PUF60: variants seen among roughly 807,000 people sequenced by gnomAD.
PUF60 encodes poly(U)-binding-splicing factor PUF60.
PUF60 carries 10 observed loss-of-function variants against 61.8 expected under a neutral mutation model. The observed-to-expected ratio is 0.16, with a 90% CI of 0.10 to 0.27. The LOEUF (loss-of-function observed/expected upper bound fraction) is 0.27. Ranked by LOEUF, PUF60 falls within the 10% of genes least tolerant of loss-of-function variation. The probability of loss-of-function intolerance (pLI) is 1.00; values close to 1 mark genes in which losing one functional copy is unlikely to be tolerated. For missense variants in PUF60, 371 were observed against 754.0 expected, an observed-to-expected ratio of 0.49 and a Z score of 5.95; for synonymous variants, 353 against 300.9, an observed-to-expected ratio of 1.17 and a Z score of -1.79.
In PUF60 at chr8:143,816,916, C is replaced by G. The variant is rs1450011787; in HGVS notation, c.1374G>C (p.Lys458Asn). The G allele has an allele frequency of 6.4e-7, 1 of 1,573,940 alleles. No individual in the cohort carries two copies. Among genetic ancestry groups the G allele is most frequent in the South Asian group, 1.1e-5 (1 of 87,264 alleles). The change falls in exon 11 of 12, where the codon AAG becomes AAC. Residue 458 changes from lysine to asparagine, a missense_variant. Physicochemically the swap from Lys to Asn is moderately conservative, Grantham distance 94. Around this residue, in one of 13 missense-constraint regions of PUF60, gnomAD observed 38 missense variants for 112.9 expected, o/e 0.34. Coordinates refer to ENST00000526683, the MANE Select transcript of PUF60 (RefSeq NM_078480.3). ...ACCCTGCCCCTCTGCCTACCTCCTGCTTGCGGAGCAGCTTCTGCATCACCA... is the reference window on the plus strand; with the variant it reads ...ACCCTGCCCCTCTGCCTACCTCCTGGTTGCGGAGCAGCTTCTGCATCACCA... Reference protein sequence around the residue: ...RHMVMQKLLRKQESTVMVLRN... With the variant: ...RHMVMQKLLRNQESTVMVLRN...
rs567629172 is a variant in PUF60, at chr8:143,820,855, C to G, written c.298-139G>C. On this transcript the variant is annotated intron_variant, in intron 4 of 11. Transcript: ENST00000526683. ...CCGCCTGCCTTCCCACACTGCCGGC[C>G]GCCAGCACCTGCCCAGGGGGGCCGC... is the stretch of plus-strand genomic sequence containing the variant. 1.1e-4 allele frequency: 89 copies of G among 819,852 alleles called. 2 individuals are homozygous for G. In the Middle Eastern group the frequency reaches 1.5e-3, roughly 14 times the overall value. 50.8% of individuals were successfully genotyped at this position (819,852 alleles called of 1,614,324 possible).
intron 1 of PUF60, chr8:143,824,710 G>A (rs756396453): frequency 1.7e-4 from 70 of 407,748 alleles, no homozygotes; most frequent in Non-Finnish European, 3.0e-4. Context: ...CTCTCCTGCC[G>A]GCAGGCTGGA....
intron 2 of PUF60, among the ~76,000 whole-genome samples, chr8:143,824,006 C>T (rs932023666): frequency 6.6e-6 from 1 of 152,252 alleles, no homozygotes; most frequent in African/African-American, 2.4e-5. Context: ...CCTAAGAACG[C>T]GCGAGCTCCA....
intron 2 of PUF60, 90 bp from the exon 3 acceptor site, chr8:143,822,003 C>T (rs964638932): frequency 2.1e-5 from 20 of 941,744 alleles, no homozygotes; most frequent in African/African-American, 1.5e-4. Flanking sequence ...CAGACTGTCC[C>T]CTGCCTGGCC....
chr8:143,821,928 G>A lies in PUF60; in HGVS notation c.112-15C>T, dbSNP rs761931996. Reference sequence around the variant, plus strand: ...GAGTCTGTGCCCTGGTAAGGGAGCAGGGGAATCCATCAGCAGCAAGCTCAA... The same window carrying A: ...GAGTCTGTGCCCTGGTAAGGGAGCAAGGGAATCCATCAGCAGCAAGCTCAA... On this transcript the variant is annotated splice_polypyrimidine_tract_variant and intron_variant, in intron 2 of 11. Transcript: ENST00000526683. 5 of 1,571,514 alleles carry A rather than the reference G, an allele frequency of 3.2e-6. No homozygotes were observed. In the African/African-American group the frequency reaches 6.7e-5, roughly 21 times the overall value.
chr8:143,819,876 C>A (rs1816815002), intron 5 of PUF60, among the ~76,000 whole-genome samples: 1 of 152,130 alleles, frequency 6.6e-6, no homozygotes. Context: ...CCTGACCAGA[C>A]CCCCAGCCCG....
chr8:143,822,008 C>T (rs569652890), intron 2 of PUF60, 95 bp from the exon 3 acceptor site: 1 of 900,536 alleles, frequency 1.1e-6, no homozygotes, highest in South Asian at 1.7e-5. Context: ...TGTCCCCTGC[C>T]TGGCCTGTAC....
intron 1 of PUF60, among the ~76,000 whole-genome samples, chr8:143,827,855 T>C (rs1395310716): frequency 6.6e-6 from 1 of 152,164 alleles, no homozygotes; most frequent in Non-Finnish European, 1.5e-5. Flanking sequence ...TGAGCCCCCA[T>C]TTAACCCTCA....
chr8:143,820,594 G>A (rs1435362955), intron 5 of PUF60, 72 bp downstream of exon 5: 11 of 1,494,860 alleles, frequency 7.4e-6, no homozygotes, highest in East Asian at 4.5e-5. Flanking sequence ...TCCCCAGCAC[G>A]TGGGCTGCAC....
chr8:143,827,341 C>T (rs1056415544), intron 1 of PUF60: 103 of 455,994 alleles, frequency 2.3e-4, no homozygotes, highest in African/African-American at 1.7e-3. Context: ...GTGAAGAGAA[C>T]GGAGCCATGC....
intron 2 of PUF60, 110 bp from the exon 3 acceptor site, chr8:143,822,023 GCCAGCC>G: frequency 1.3e-6 from 1 of 791,506 alleles, no homozygotes; most frequent in South Asian, 1.8e-5. Context: ...CTGTACTCAG[GCCAGCC>G]CTTCTGACAT....
intron 11 of PUF60, 33 bp from the exon 12 acceptor site, chr8:143,816,852 G>C: frequency 6.2e-7 from 1 of 1,604,180 alleles, no homozygotes; most frequent in Non-Finnish European, 8.5e-7. Flanking sequence ...AGACAGCTGA[G>C]CACTGCGGCC....
chr8:143,827,541 A>G, intron 1 of PUF60: 1 of 441,846 alleles, frequency 2.3e-6, no homozygotes, highest in Non-Finnish European at 4.6e-6. Context: ...TGAGAGCTGA[A>G]GCAGCATGAG....
intron 1 of PUF60, chr8:143,824,797 C>A: frequency 4.1e-6 from 1 of 241,634 alleles, no homozygotes; most frequent in Admixed American, 5.1e-5. Context: ...CCTGTACACA[C>A]CTTGGCCAGC....
At chr8:143,829,247 G>C (rs1554649140) in intron 1 of PUF60, 33 bp downstream of exon 1, 3 of 1,247,862 alleles carry the variant, frequency 2.4e-6, no homozygotes, top group Admixed American at 4.1e-5. Context: ...CGCAAGCCGA[G>C]GGCCGCCCGC....
chr8:143,824,484 T>C, intron 1 of PUF60, 85 bp from the exon 2 acceptor site: 1 of 1,411,772 alleles, frequency 7.1e-7, no homozygotes, highest in East Asian at 2.3e-5. Context: ...AGGGCTGAGC[T>C]CCTCACGGAT....
At chr8:143,823,864 T>C (rs1563837547) in intron 2 of PUF60, among the ~76,000 whole-genome samples, 1 of 152,262 alleles carries the variant, frequency 6.6e-6, no homozygotes, top group Non-Finnish European at 1.5e-5. Context: ...GACCTGTGCT[T>C]TGACTTGCGC....
At position 143,817,837 on chromosome 8, in the gene PUF60, T is replaced by C. The variant is rs747976967; in HGVS notation, c.817+25A>G. ...CAGCCCCAGCCTCAGGTGGCCCCCA[T>C]CCCGCCTCAGCCACCCCAGCTCACC... On this transcript the variant is annotated intron_variant, in intron 8 of 11. Transcript: ENST00000526683. This position sits in a 1 kb window ranked among gnomAD's most constrained non-coding sequence, Gnocchi z 7.4. 123 of 1,608,460 alleles carry C rather than the reference T, an allele frequency of 7.6e-5. No individual in the cohort carries two copies. The highest frequency in any genetic ancestry group is 4.9e-4 in the Middle Eastern group (3 of 6,078).
Position 143,817,410 on chromosome 8 carries a change from G to A in PUF60, c.1065C>T (p.Ser355=), listed in dbSNP as rs371162365. Residue 355 remains serine, a synonymous_variant, in exon 10 of 12, where the codon TCC becomes TCT. Transcript: ENST00000526683. This position sits in a 1 kb window ranked among gnomAD's most constrained non-coding sequence, Gnocchi z 7.4. ...GGGGCTGGGCCAGGGTCAGTGCTGG[G>A]GACACCAGTCCAGGTGTGCCCAGGG... ...LGTLGTPGLV[S]PALTLAQPLG... is the part of the protein sequence containing the mutation. 2.9e-5 allele frequency: 47 copies of A among 1,601,406 alleles called. No individual in the cohort carries two copies. The highest frequency in any genetic ancestry group is 3.7e-5 in the Non-Finnish European group (43 of 1,176,048).
Sources: allele counts gnomAD v4.1 joint callset (sites outside exome capture counted in the v4.1 genomes callset), GRCh38; gene constraint gnomAD v4.1.1; regional missense constraint gnomAD v4.1.1; non-coding constraint Gnocchi (gnomAD v3.1); transcripts MANE v1.5; gene names NCBI Gene and HGNC (gene_info 2026-07-23, HGNC 2026-07-21).